The following EXOC4 variants were observed in gnomAD, a reference collection of about 807,000 sequenced individuals.
The protein encoded by EXOC4 is SEC8-like 1.
Under a neutral mutation model 107.2 loss-of-function variants are expected in EXOC4, and 71 were observed. That is an observed-to-expected ratio of 0.66 (90% CI 0.55 to 0.81). The LOEUF is 0.81. EXOC4 is among the 30% of genes least tolerant of loss of function. The probability of loss-of-function intolerance (pLI) is 0.00; values close to 1 mark genes in which losing one functional copy is unlikely to be tolerated. For missense variants in EXOC4, 1,108 were observed against 1,189.6 expected (o/e 0.93, Z 1.01); for synonymous variants, 456 against 441.2 (o/e 1.03, Z -0.42).
Position 133,428,210 on chromosome 7 carries a change from G to A in EXOC4, c.1183-47118G>A, listed in dbSNP as rs28456367. On this transcript the variant is annotated intron_variant, in intron 7 of 17. Transcript: ENST00000253861. ...TTTTTCAATTTTATTCACTTGGTCT[G>A]ATGTGAGGAGCAGCCATCCTTCCTG... 1.4e-3 allele frequency among the ~76,000 whole-genome samples: 219 copies of A among 152,318 alleles called. 2 individuals carry two copies. Among genetic ancestry groups the A allele is most frequent in the African/African-American group, 4.9e-3 (203 of 41,570 alleles).
chr7:133,565,947 G>A (rs1800898126), intron 9 of EXOC4, among the ~76,000 whole-genome samples: 1 of 152,122 alleles, frequency 6.6e-6, no homozygotes, highest in Non-Finnish European at 1.5e-5. Context: ...CACATTCCCT[G>A]GGAGTTCAAA....
chr7:133,366,551 A>T (rs1038279100), intron 6 of EXOC4, among the ~76,000 whole-genome samples: 1 of 152,054 alleles, frequency 6.6e-6, no homozygotes, highest in Non-Finnish European at 1.5e-5. Context: ...TCATGTTCTC[A>T]TGTTTAGCTT....
At chr7:133,911,373 T>C (rs1233631700) in intron 12 of EXOC4, among the ~76,000 whole-genome samples, 2 of 152,068 alleles carry the variant, frequency 1.3e-5, no homozygotes, top group Non-Finnish European at 2.9e-5. Context: ...GAGTAAAAAA[T>C]TTTCTTTAGG....
At chr7:133,896,686 A>T (rs1303229646) in intron 12 of EXOC4, among the ~76,000 whole-genome samples, 1 of 149,236 alleles carries the variant, frequency 6.7e-6, no homozygotes, top group Non-Finnish European at 1.5e-5. Context: ...TTATTTTTTG[A>T]GAAGGAGTCT....
chr7:133,411,748 A>C (rs1202694989), intron 7 of EXOC4, among the ~76,000 whole-genome samples: 2 of 152,090 alleles, frequency 1.3e-5, no homozygotes, highest in Non-Finnish European at 2.9e-5. Context: ...CCCAACATCA[A>C]ATACTCCAGA....
intron 4 of EXOC4, among the ~76,000 whole-genome samples, chr7:133,307,396 G>C (rs995631163): frequency 6.6e-6 from 1 of 152,174 alleles, no homozygotes; most frequent in African/African-American, 2.4e-5. Context: ...TTTCGACAAT[G>C]CCTGCTGATA....
At chr7:133,336,416 T>C (rs1230673334) in intron 5 of EXOC4, among the ~76,000 whole-genome samples, 1 of 152,054 alleles carries the variant, frequency 6.6e-6, no homozygotes, top group African/African-American at 2.4e-5. Flanking sequence ...CTTGCCAAAT[T>C]CTCCCCCCAA....
At chr7:133,405,804 G>A (rs147796860) in intron 7 of EXOC4, among the ~76,000 whole-genome samples, 9 of 152,286 alleles carry the variant, frequency 5.9e-5, no homozygotes, top group Admixed American at 5.9e-4. Flanking sequence ...ACTCTTTCAT[G>A]CACACACTGT....
At position 133,808,821 on chromosome 7, in the gene EXOC4, C is replaced by A. The variant is rs116772546; in HGVS notation, c.1515-8504C>A. Among the ~76,000 whole-genome samples, 355 of 152,022 alleles carry A rather than the reference C, an allele frequency of 2.3e-3. 6 individuals carry two copies. Among genetic ancestry groups the A allele is most frequent in the African/African-American group, 8.0e-3 (331 of 41,440 alleles). On this transcript the variant is annotated intron_variant, in intron 10 of 17. Coordinates refer to ENST00000253861, the MANE Select transcript of EXOC4 (RefSeq NM_021807.4). ...AGGGATTTTGAATATACTGTGTTCT[C>A]ATAAATAGTCCATGATTTCCCTTAG...
chr7:133,354,925 G>A (rs915476817), intron 5 of EXOC4, among the ~76,000 whole-genome samples: 4 of 152,142 alleles, frequency 2.6e-5, no homozygotes, highest in African/African-American at 4.8e-5. Flanking sequence ...CAGTACAATC[G>A]TGTAGGTGGG....
At position 133,787,951 on chromosome 7, in the gene EXOC4, A is replaced by ATATTTT. The variant is rs1562997495; in HGVS notation, c.1515-29369_1515-29368insTTATTT. Among the ~76,000 whole-genome samples the ATATTTT allele has an allele frequency of 8.2e-4, 11 of 13,404 alleles. No individual in the cohort carries two copies. In the East Asian group the frequency reaches 0.066, roughly 80 times the overall value. 8.8% of individuals were successfully genotyped at this position (13,404 alleles called of 152,430 possible). A position where few individuals can be genotyped will look rare whatever the true frequency, so the allele number is the denominator to read the frequency against. On this transcript the variant is annotated intron_variant, in intron 10 of 17. Transcript: ENST00000253861. ...ACCTAGATACTTCTTCCCTGTGCAT[A>ATATTTT]TATTTATATATTTATATATATATAT...
At chr7:133,849,058 C>T (rs1338271801) in intron 11 of EXOC4, among the ~76,000 whole-genome samples, 3 of 152,168 alleles carry the variant, frequency 2.0e-5, no homozygotes, top group Non-Finnish European at 4.4e-5. Context: ...AGCCTTGAGA[C>T]TCTGGAAGAA....
rs541558642 is a variant in EXOC4, at chr7:133,804,684, C to T, written c.1515-12641C>T. On this transcript the variant is annotated intron_variant, in intron 10 of 17. Transcript: ENST00000253861. ...CATATGAAATACTTCCAGTCTTTGA[C>T]TTCTGTTATTCATACCTGAGTAATG... 1.1e-4 allele frequency among the ~76,000 whole-genome samples: 17 copies of T among 152,280 alleles called. No individual in the cohort carries two copies. The South Asian group carries it at 3.5e-3, about 32-fold the overall frequency.
At chr7:133,808,402 C>CT (rs1475633729) in intron 10 of EXOC4, among the ~76,000 whole-genome samples, 3 of 152,236 alleles carry the variant, frequency 2.0e-5, no homozygotes, top group African/African-American at 7.2e-5. Context: ...GAATGAGTCC[C>CT]TTGTAAATCA....
intron 5 of EXOC4, among the ~76,000 whole-genome samples, chr7:133,326,381 G>T (rs568888156): frequency 6.6e-6 from 1 of 152,276 alleles, no homozygotes; most frequent in East Asian, 1.9e-4. Context: ...TACAGATGGG[G>T]TTTTGGTGTG....
At chr7:133,595,731 A>G (rs961726122) in intron 9 of EXOC4, among the ~76,000 whole-genome samples, 3 of 152,140 alleles carry the variant, frequency 2.0e-5, no homozygotes, top group Non-Finnish European at 2.9e-5. Context: ...ATTTTTTTAA[A>G]CTTCAGTCTT....
At chr7:133,275,946 T>C (rs933837368) in intron 2 of EXOC4, among the ~76,000 whole-genome samples, 4 of 152,086 alleles carry the variant, frequency 2.6e-5, no homozygotes, top group Non-Finnish European at 5.9e-5. Flanking sequence ...GCTGGGATTA[T>C]AGGTGTGACC....
intron 7 of EXOC4, among the ~76,000 whole-genome samples, chr7:133,410,351 T>C (rs1314372552): frequency 1.3e-5 from 2 of 152,232 alleles, no homozygotes; most frequent in African/African-American, 4.8e-5. Context: ...GGTTATCAAA[T>C]GAACGTTAAT....
intron 7 of EXOC4, among the ~76,000 whole-genome samples, chr7:133,404,330 C>T (rs1797162366): frequency 1.3e-5 from 2 of 152,106 alleles, no homozygotes; most frequent in Non-Finnish European, 2.9e-5. Context: ...GTCTCGATCT[C>T]CTGACCTCGT....
Sources: gnomAD v4.1 joint callset for allele counts (sites outside exome capture counted in the v4.1 genomes callset) on GRCh38, gnomAD v4.1.1 for gene constraint, MANE v1.5 for transcripts, NCBI Gene and HGNC (gene_info 2026-07-23, HGNC 2026-07-21) for gene names.